FAT4: variants seen among roughly 807,000 people sequenced by gnomAD.
The protein encoded by FAT4 is protocadherin Fat 4.
Under a neutral mutation model 303.9 loss-of-function variants are expected in FAT4, and 84 were observed. The observed-to-expected ratio is 0.28, with a 90% confidence interval of 0.23 to 0.33. FAT4 has a LOEUF of 0.33. Ranked by LOEUF, FAT4 falls within the 10% of genes least tolerant of loss-of-function variation. FAT4 has a pLI of 1.00. For missense variants in FAT4, 6,005 were observed against 6,146.8 expected, an observed-to-expected ratio of 0.98 and a Z score of 0.77; for synonymous variants, 2,307 against 2,298.8, an observed-to-expected ratio of 1.00 and a Z score of -0.10.
rs557679997 is a variant in FAT4, at chr4:125,318,957, C to A, written c.2546C>A (p.Thr849Asn). The change falls in exon 2 of 18, where the codon ACC (threonine) becomes AAC (asparagine). Residue 849 changes from threonine to asparagine, a missense_variant. By Grantham distance (65) the Thr-to-Asn change is moderately conservative. Coordinates refer to ENST00000394329, the MANE Select transcript of FAT4 (RefSeq NM_001291303.3). ...FAINQVTGQL[T>N]TANVIDREEQ... ...ATCAACCAGGTCACTGGGCAGCTTA[C>A]CACAGCAAATGTGATTGATAGAGAA... The A allele has an allele frequency of 2.5e-6, 4 of 1,614,026 alleles. No homozygotes were observed. In the African/African-American group the frequency reaches 5.3e-5, roughly 22 times the overall value.
At chr4:125,339,538 C>G (rs1731698996) in intron 2 of FAT4, among the ~76,000 whole-genome samples, 1 of 152,096 alleles carries the variant, frequency 6.6e-6, no homozygotes, top group East Asian at 1.9e-4. Context: ...ACAATAATAG[C>G]ATCATTATTA....
chr4:125,451,909 G>T lies in FAT4; in HGVS notation c.10899G>T (p.Gly3633=), dbSNP rs1726094260. The change falls in exon 10 of 18, where the codon GGG becomes GGT. Residue 3633 remains glycine, a synonymous_variant. Transcript: ENST00000394329. ...ATTATGGTAACTTGTTTCCCGGTGG[G>T]ATTTTAGGCTCTGTGAAGCCACAGG... ...VNYYGNLFPG[G]ILGSVKPQDP... The T allele has an allele frequency of 1.9e-6, 3 of 1,613,924 alleles. No homozygotes were observed. The highest frequency in any genetic ancestry group is 2.5e-6 in the Non-Finnish European group (3 of 1,180,010).
rs1222102613 is a variant in FAT4 at position 125,449,592 on chromosome 4, C to A, written c.8582C>A (p.Thr2861Lys). 1 of 1,613,726 alleles carries A rather than the reference C, an allele frequency of 6.2e-7. No individual in the cohort carries two copies. Among genetic ancestry groups the A allele is most frequent in the Non-Finnish European group, 8.5e-7 (1 of 1,179,836 alleles). Residue 2861 changes from threonine (T) to lysine (K), a missense_variant, in exon 10 of 18, where the codon ACA becomes AAA. Coordinates refer to ENST00000394329, the MANE Select transcript of FAT4 (RefSeq NM_001291303.3). Reference protein sequence around the residue: ...DSGWTVSTDVTIFVTDINDNA... With the variant: ...DSGWTVSTDVKIFVTDINDNA... ...GGGTGGACTGTAAGTACAGATGTCA[C>A]AATATTTGTGACAGACATCAATGAC... is the stretch of plus-strand genomic sequence containing the variant.
At chr4:125,422,331 G>C (rs1402772829) in intron 7 of FAT4, among the ~76,000 whole-genome samples, 1 of 152,186 alleles carries the variant, frequency 6.6e-6, no homozygotes. Flanking sequence ...TACAGTTAGT[G>C]ATATGGTTTG....
intron 2 of FAT4, among the ~76,000 whole-genome samples, chr4:125,350,218 G>T (rs183612288): frequency 2.0e-5 from 3 of 151,770 alleles, no homozygotes; most frequent in Admixed American, 1.3e-4. Flanking sequence ...AACTTGGTTG[G>T]TGTTTATTTC....
rs576401065 is a variant in FAT4 at position 125,343,651 on chromosome 4, A to C, written c.5175+22065A>C. 3.3e-5 allele frequency among the ~76,000 whole-genome samples: 5 copies of C among 152,298 alleles called. No individual in the cohort carries two copies. The South Asian group carries it at 1.0e-3, about 32-fold the overall frequency. ...ACTTTACTGCTCAAGAATATACGTTAAAAATACATATTGACCCAGCTCTGA... is the reference window on the plus strand; with the variant it reads ...ACTTTACTGCTCAAGAATATACGTTCAAAATACATATTGACCCAGCTCTGA... On this transcript the variant is annotated intron_variant, in intron 2 of 17. Transcript: ENST00000394329.
intron 5 of FAT4, among the ~76,000 whole-genome samples, chr4:125,412,548 T>C (rs1004427866): frequency 2.6e-5 from 4 of 151,866 alleles, no homozygotes; most frequent in African/African-American, 9.7e-5. Context: ...CCCTTACCCA[T>C]TCATCTACCA....
Position 125,398,873 on chromosome 4 carries a change from T to A in FAT4, c.5265T>A (p.Asp1755Glu). Reference sequence around the variant, plus strand: ...TCACGGTAGAGGAGAACATTGGAGATGGCTCTAAGATTATGCAGCTGACAG... The same window carrying A: ...TCACGGTAGAGGAGAACATTGGAGAAGGCTCTAAGATTATGCAGCTGACAG... ...LDLTVEENIG[D>E]GSKIMQLTAM... The change falls in exon 3 of 18, where the codon GAT becomes GAA. Residue 1755 changes from aspartate (D) to glutamate (E), a missense_variant. Transcript: ENST00000394329. 1.2e-6 allele frequency: 2 copies of A among 1,613,334 alleles called. No homozygotes were observed. Among genetic ancestry groups the A allele is most frequent in the African/African-American group, 1.3e-5 (1 of 74,974 alleles).
At position 125,407,006 on chromosome 4, in the gene FAT4, C is replaced by T; in HGVS notation, c.5434C>T (p.Leu1812=). The T allele has an allele frequency of 1.9e-6, 3 of 1,613,866 alleles. No individual in the cohort carries two copies. In the South Asian group the frequency reaches 3.3e-5, roughly 18 times the overall value. The change falls in exon 4 of 18, where the codon CTG becomes TTG. Residue 1812 remains leucine (L), a synonymous_variant. Coordinates refer to ENST00000394329, the MANE Select transcript of FAT4 (RefSeq NM_001291303.3). ...LDRERRSKYS[L]LVRADDGLQS... ...CAGGGAACGCCGCTCCAAATATTCA[C>T]TGCTAGTTCGTGCTGATGATGGTCT...
intron 2 of FAT4, among the ~76,000 whole-genome samples, chr4:125,335,214 G>A (rs2125962001): frequency 6.6e-6 from 1 of 152,216 alleles, no homozygotes; most frequent in African/African-American, 2.4e-5. Flanking sequence ...TTTCTTCTCA[G>A]CAGTTTTCTC....
At chr4:125,413,010 A>G (rs1184180423) in intron 5 of FAT4, among the ~76,000 whole-genome samples, 1 of 151,840 alleles carries the variant, frequency 6.6e-6, no homozygotes, top group African/African-American at 2.4e-5. Flanking sequence ...TGTTAATAGA[A>G]ACACACGTAT....
rs1297128383 is a variant in FAT4 at position 125,484,056 on chromosome 4, CACAT to C, written c.12822+2322_12822+2325del. Among the ~76,000 whole-genome samples the C allele has an allele frequency of 7.3e-3, 600 of 82,516 alleles. 5 individuals carry two copies. Among genetic ancestry groups the C allele is most frequent in the African/African-American group, 0.024 (557 of 23,296 alleles). 54.1% of individuals were successfully genotyped at this position (82,516 alleles called of 152,430 possible). On this transcript the variant is annotated intron_variant, in intron 16 of 17. Transcript: ENST00000394329. ...TTCTTTCTCTCTCTCTCTACAGACA[CACAT>C]ACACACACACACACACACACACACA...
intron 7 of FAT4, among the ~76,000 whole-genome samples, chr4:125,431,389 A>C (rs988225352): frequency 6.6e-6 from 1 of 152,206 alleles, no homozygotes; most frequent in Non-Finnish European, 1.5e-5. Context: ...CCACAAGTGA[A>C]TCATTGAGAT....
chr4:125,490,248 G>C lies in FAT4; in HGVS notation c.13432G>C (p.Gly4478Arg). 2 of 1,614,114 alleles carry C rather than the reference G, an allele frequency of 1.2e-6. No homozygotes were observed. The highest frequency in any genetic ancestry group is 4.5e-5 in the East Asian group (2 of 44,832). ...VACLGVLCPQ[G>R]KVCKAGSPAG... ...CTGTCTTGGCGTCCTCTGTCCTCAG[G>C]GGAAGGTGTGCAAAGCTGGAAGTCC... Residue 4478 changes from glycine to arginine, a missense_variant, in exon 18 of 18, where the codon GGG becomes CGG. Transcript: ENST00000394329.
At chr4:125,345,443 G>C (rs1323588087) in intron 2 of FAT4, among the ~76,000 whole-genome samples, 1 of 147,860 alleles carries the variant, frequency 6.8e-6, no homozygotes, top group Non-Finnish European at 1.5e-5. Context: ...TTCTAAAGAA[G>C]TATTGAAAAA....
Position 125,463,554 on chromosome 4 carries a change from A to G in FAT4, c.11801-9A>G. 1.3e-6 allele frequency: 2 copies of G among 1,533,170 alleles called. No individual in the cohort carries two copies. Among genetic ancestry groups the G allele is most frequent in the Non-Finnish European group, 1.8e-6 (2 of 1,126,032 alleles). 95.0% of individuals were successfully genotyped at this position (1,533,170 alleles called of 1,614,324 possible). On this transcript the variant is annotated splice_polypyrimidine_tract_variant and intron_variant, in intron 10 of 17. Coordinates refer to ENST00000394329, the MANE Select transcript of FAT4 (RefSeq NM_001291303.3). ...AGATTTAAAAAAAACTGAATTTGATATATTTTAGGGAAAATGTGTGAATCT... is the reference window on the plus strand; with the variant it reads ...AGATTTAAAAAAAACTGAATTTGATGTATTTTAGGGAAAATGTGTGAATCT...
At chr4:125,378,141 G>A (rs756289229) in intron 2 of FAT4, among the ~76,000 whole-genome samples, 29 of 152,056 alleles carry the variant, frequency 1.9e-4, no homozygotes, top group Non-Finnish European at 3.4e-4. Flanking sequence ...TTGATTCTAT[G>A]TATGTACCAA....
At chr4:125,394,014 G>A (rs1167116603) in intron 2 of FAT4, 10 of 779,462 alleles carry the variant, frequency 1.3e-5, no homozygotes, top group Non-Finnish European at 2.2e-5. Flanking sequence ...TGTAAGTCAA[G>A]CACAGATCTA....
chr4:125,385,772 T>C (rs1229714575), intron 2 of FAT4, among the ~76,000 whole-genome samples: 4 of 152,156 alleles, frequency 2.6e-5, no homozygotes, highest in African/African-American at 9.7e-5. Flanking sequence ...TTTTGCACAT[T>C]ATTTTCTTTC....
Sources: allele counts gnomAD v4.1 joint callset (sites outside exome capture counted in the v4.1 genomes callset), GRCh38; gene constraint gnomAD v4.1.1; transcripts MANE v1.5; gene names NCBI Gene and HGNC (gene_info 2026-07-23, HGNC 2026-07-21).